The following CARS1 variants were observed in gnomAD, a reference collection of about 807,000 sequenced individuals.
The protein encoded by CARS1 is cysteinyl-tRNA synthetase 1.
A neutral mutation model predicts 106.2 loss-of-function variants in CARS1; 48 were observed. The ratio of observed to expected loss-of-function variants is 0.45; its 90% CI spans 0.36 to 0.57. The LOEUF (loss-of-function observed/expected upper bound fraction) is 0.57, where lower values mean the gene tolerates loss of function less well. CARS1 is among the 20% of genes least tolerant of loss of function. CARS1 has a pLI of 0.00. For missense variants in CARS1, 968 were observed against 1,057.2 expected, an observed-to-expected ratio of 0.92 and a Z score of 1.17; for synonymous variants, 409 against 403.4, an observed-to-expected ratio of 1.01 and a Z score of -0.17.
rs375412842 is a variant in CARS1 at position 3,016,470 on chromosome 11, G to A, written c.1918-621C>T. The stretch of plus-strand genomic sequence containing the variant: ...CATCTCCTGACCTTGTGATCCGCCC[G>A]CCTTGGCCTCCCAAAGTGCTGGGAT... On this transcript the variant is annotated intron_variant, in intron 16 of 22. Coordinates refer to ENST00000380525, the MANE Select transcript of CARS1 (RefSeq NM_001014437.3). Among the ~76,000 whole-genome samples, 13 of 152,134 alleles carry A rather than the reference G, an allele frequency of 8.5e-5. No homozygotes were observed. In the East Asian group the frequency reaches 1.4e-3, roughly 16 times the overall value.
rs1275960059 is a variant in CARS1 at position 3,050,817 on chromosome 11, A to AGACCC, written c.26-2817_26-2816insGGGTC. Among the ~76,000 whole-genome samples, 1 of 152,070 alleles carries AGACCC rather than the reference A, an allele frequency of 6.6e-6. No individual in the cohort carries two copies. Reference sequence around the variant, plus strand: ...AGGTCTTCAAGGACTCCCTGTCCATATGGCGCCCGCCTCTAGACCCTGAGC... The same window carrying AGACCC: ...AGGTCTTCAAGGACTCCCTGTCCATAGACCCTGGCGCCCGCCTCTAGACCCTGAGC... On this transcript the variant is annotated intron_variant, in intron 1 of 22. Transcript: ENST00000380525. The surrounding 1 kb of genome is among the most constrained non-coding windows in gnomAD (Gnocchi z 6.3).
chr11:3,046,757 C>A lies in CARS1; in HGVS notation c.274+996G>T, dbSNP rs571096671. 2.6e-5 allele frequency among the ~76,000 whole-genome samples: 4 copies of A among 152,202 alleles called. No individual in the cohort carries two copies. Among genetic ancestry groups the A allele is most frequent in the Admixed American group, 6.5e-5 (1 of 15,294 alleles). On this transcript the variant is annotated intron_variant, in intron 2 of 22. Coordinates refer to ENST00000380525, the MANE Select transcript of CARS1 (RefSeq NM_001014437.3). This position sits in a 1 kb window ranked among gnomAD's most constrained non-coding sequence, Gnocchi z 5.8. ...GCCCCCACATGAAGGTGGAGGAGTG[C>A]CCACAGCCACAGGAGGAGCTGGGCC... is the stretch of plus-strand genomic sequence containing the variant.
At chr11:3,036,153 G>T (rs934078015) in intron 7 of CARS1, among the ~76,000 whole-genome samples, 1 of 152,246 alleles carries the variant, frequency 6.6e-6, no homozygotes, top group Non-Finnish European at 1.5e-5. Flanking sequence ...GGGAGGCAGG[G>T]AGGAAGCTTC....
intron 22 of CARS1, 65 bp downstream of exon 22, chr11:3,001,905 G>A (rs1298929024): frequency 2.7e-5 from 34 of 1,242,160 alleles, no homozygotes; most frequent in Non-Finnish European, 3.4e-5. Context: ...GAAAATTCCT[G>A]TCCTCCCACT....
rs145015718 is a variant in CARS1, at chr11:3,039,249, C to T, written c.596G>A (p.Arg199Gln). The change falls in exon 6 of 23, where the codon CGG (arginine) becomes CAG (glutamine). Residue 199 changes from arginine (R) to glutamine (Q), a missense_variant. Arg to Gln is a conservative substitution (Grantham distance 43). Coordinates refer to ENST00000380525, the MANE Select transcript of CARS1 (RefSeq NM_001014437.3). This position sits in a 1 kb window ranked among gnomAD's most constrained non-coding sequence, Gnocchi z 5.6. Reference sequence around the variant, plus strand: ...CTGTGCCGCTTCAGGCCTCTTCTCCCGATACTGCTCGAACAGGTGGTTCTG... The same window carrying T: ...CTGTGCCGCTTCAGGCCTCTTCTCCTGATACTGCTCGAACAGGTGGTTCTG... ...ARQNHLFEQYREKRPEAAQLL... is the reference protein window; with the variant it reads ...ARQNHLFEQYQEKRPEAAQLL... 71 of 1,613,772 alleles carry T rather than the reference C, an allele frequency of 4.4e-5. No individual in the cohort carries two copies. The highest frequency in any genetic ancestry group is 5.6e-5 in the Non-Finnish European group (66 of 1,179,862).
chr11:3,053,612 C>A lies in CARS1; in HGVS notation c.25+3731G>T, dbSNP rs1855903360. ...GAGGCTCTCCCAGGTCCACTCCAGG[C>A]ATGGCCCTGGTGTGCCTTCAGCAGC... On this transcript the variant is annotated intron_variant, in intron 1 of 22. Transcript: ENST00000380525. This position sits in a 1 kb window ranked among gnomAD's most constrained non-coding sequence, Gnocchi z 6.6. 6.6e-6 allele frequency among the ~76,000 whole-genome samples: 1 copy of A among 152,188 alleles called. No individual in the cohort carries two copies. The highest frequency in any genetic ancestry group is 1.5e-5 in the Non-Finnish European group (1 of 68,026).
At position 3,040,747 on chromosome 11, in the gene CARS1, G is replaced by T; in HGVS notation, c.455+149C>A. 1 of 770,102 alleles carries T rather than the reference G, an allele frequency of 1.3e-6. No homozygotes were observed. The highest frequency in any genetic ancestry group is 2.7e-5 in the East Asian group (1 of 37,614). The allele number at this position is 770,102 out of a possible 1,614,324, so 47.7% of individuals were successfully genotyped here. On this transcript the variant is annotated intron_variant, in intron 4 of 22. Transcript: ENST00000380525. The surrounding 1 kb of genome is among the most constrained non-coding windows in gnomAD (Gnocchi z 5.8). Reference sequence around the variant, plus strand: ...TAAAATTTTCATCTTAAAAATAAGAGAAGAAATTCAGTCTTGATTCCTCAA... The same window carrying T: ...TAAAATTTTCATCTTAAAAATAAGATAAGAAATTCAGTCTTGATTCCTCAA...
At position 3,028,093 on chromosome 11, in the gene CARS1, A is replaced by C; in HGVS notation, c.1031+903T>G. 3.4e-6 allele frequency: 1 copy of C among 292,194 alleles called. No homozygotes were observed. The highest frequency in any genetic ancestry group is 2.9e-5 in the South Asian group (1 of 34,242). 18.1% of individuals were successfully genotyped at this position (292,194 alleles called of 1,614,324 possible). ...CAGTAGCAAATTAGTGAAAGTACTA[A>C]AAGTCTCTGATATGCAGAAATAATG... On this transcript the variant is annotated intron_variant, in intron 9 of 22. Transcript: ENST00000380525. This position sits in a 1 kb window ranked among gnomAD's most constrained non-coding sequence, Gnocchi z 4.4.
At position 3,045,845 on chromosome 11, in the gene CARS1, C is replaced by T. The variant is rs183014477; in HGVS notation, c.274+1908G>A. ...TGTCACAGCTACATGGAGGGAGATC[C>T]ACAGCTACTGTCATCCCAGGGACAT... On this transcript the variant is annotated intron_variant, in intron 2 of 22. Coordinates refer to ENST00000380525, the MANE Select transcript of CARS1 (RefSeq NM_001014437.3). The surrounding 1 kb of genome is among the most constrained non-coding windows in gnomAD (Gnocchi z 5.6). 2.0e-5 allele frequency among the ~76,000 whole-genome samples: 3 copies of T among 152,292 alleles called. No individual in the cohort carries two copies. Among genetic ancestry groups the T allele is most frequent in the Admixed American group, 1.3e-4 (2 of 15,296 alleles).
intron 10 of CARS1, among the ~76,000 whole-genome samples, chr11:3,024,186 C>T (rs934412152): frequency 3.9e-5 from 6 of 152,080 alleles, no homozygotes; most frequent in Non-Finnish European, 7.4e-5. Context: ...CCACTGCACC[C>T]GGCACCTCAC....
At chr11:3,024,434 T>G (rs1223915205) in intron 10 of CARS1, among the ~76,000 whole-genome samples, 5 of 151,738 alleles carry the variant, frequency 3.3e-5, no homozygotes, top group Admixed American at 1.3e-4. Context: ...GTATCTTTTT[T>G]ATTTTAAAAA....
At position 3,038,228 on chromosome 11, in the gene CARS1, T is replaced by C; in HGVS notation, c.652-29A>G. On this transcript the variant is annotated intron_variant, in intron 6 of 22. Transcript: ENST00000380525. The surrounding 1 kb of genome is among the most constrained non-coding windows in gnomAD (Gnocchi z 4.0). ...CAACCATAAAGAGACGTCAAATCTA[T>C]TAGATACTGCTCAGCAAAACCTAAA... 1 of 1,602,976 alleles carries C rather than the reference T, an allele frequency of 6.2e-7. No homozygotes were observed. The highest frequency in any genetic ancestry group is 8.5e-7 in the Non-Finnish European group (1 of 1,170,628).
chr11:3,017,095 G>A lies in CARS1; in HGVS notation c.1917+11C>T. Reference sequence around the variant, plus strand: ...AGGCTGAGGGATACGCCTGCCTGGGGCCTGGCTTACCTTCAGCATATGGGT... The same window carrying A: ...AGGCTGAGGGATACGCCTGCCTGGGACCTGGCTTACCTTCAGCATATGGGT... On this transcript the variant is annotated intron_variant, in intron 16 of 22. Transcript: ENST00000380525. This position sits in a 1 kb window ranked among gnomAD's most constrained non-coding sequence, Gnocchi z 4.9. The A allele has an allele frequency of 6.2e-7, 1 of 1,606,362 alleles. No homozygotes were observed. The highest frequency in any genetic ancestry group is 8.5e-7 in the Non-Finnish European group (1 of 1,173,714).
At position 3,044,849 on chromosome 11, in the gene CARS1, A is replaced by G. The variant is rs1387149495; in HGVS notation, c.275-2593T>C. On this transcript the variant is annotated intron_variant, in intron 2 of 22. Transcript: ENST00000380525. The surrounding 1 kb of genome is among the most constrained non-coding windows in gnomAD (Gnocchi z 4.4). ...TGGGAGGCTGAAGATAAAATGATGG[A>G]GAGGGAAGCCAGGAAGTGGCAAGCA... Among the ~76,000 whole-genome samples, 1 of 152,136 alleles carries G rather than the reference A, an allele frequency of 6.6e-6. No individual in the cohort carries two copies. The highest frequency in any genetic ancestry group is 1.5e-5 in the Non-Finnish European group (1 of 68,022).
Position 3,042,204 on chromosome 11 carries a change from T to G in CARS1, c.327A>C (p.Pro109=). 2 of 1,613,948 alleles carry G rather than the reference T, an allele frequency of 1.2e-6. No individual in the cohort carries two copies. The highest frequency in any genetic ancestry group is 1.3e-5 in the African/African-American group (1 of 75,068). ...GGCTGTTGTAAAGGTGGAGTCTGCATGGCTGGGTCCCAGCAGGAGGGGACC... is the reference window on the plus strand; with the variant it reads ...GGCTGTTGTAAAGGTGGAGTCTGCAGGGCTGGGTCCCAGCAGGAGGGGACC... ...PQWSPPAGTQ[P]CRLHLYNSLT... Residue 109 remains proline, a synonymous_variant, in exon 3 of 23, where the codon CCA becomes CCC. Coordinates refer to ENST00000380525, the MANE Select transcript of CARS1 (RefSeq NM_001014437.3).
chr11:3,039,144 G>T lies in CARS1; in HGVS notation c.651+50C>A, dbSNP rs958327506. ...GGGACAGTAGCCTACAAAGGACCGAGAACAGAAAGCAAAGGGCTCGGTTTC... is the reference window on the plus strand; with the variant it reads ...GGGACAGTAGCCTACAAAGGACCGATAACAGAAAGCAAAGGGCTCGGTTTC... On this transcript the variant is annotated intron_variant, in intron 6 of 22. Coordinates refer to ENST00000380525, the MANE Select transcript of CARS1 (RefSeq NM_001014437.3). This position sits in a 1 kb window ranked among gnomAD's most constrained non-coding sequence, Gnocchi z 5.6. 3 of 1,196,138 alleles carry T rather than the reference G, an allele frequency of 2.5e-6. No individual in the cohort carries two copies. The highest frequency in any genetic ancestry group is 1.5e-5 in the African/African-American group (1 of 66,700). The allele number at this position is 1,196,138 out of a possible 1,614,324, so 74.1% of individuals were successfully genotyped here.
At position 3,037,988 on chromosome 11, in the gene CARS1, A is replaced by G. The variant is rs1055092236; in HGVS notation, c.801+62T>C. The G allele has an allele frequency of 1.4e-6, 2 of 1,464,402 alleles. No homozygotes were observed. The highest frequency in any genetic ancestry group is 1.4e-5 in the African/African-American group (1 of 71,330). The allele number at this position is 1,464,402 out of a possible 1,614,324, so 90.7% of individuals were successfully genotyped here. ...TGGAATCAATCCGTGCACACAGATC[A>G]GTCTATGCACGGCCCGACATTTGAC... On this transcript the variant is annotated intron_variant, in intron 7 of 22. Coordinates refer to ENST00000380525, the MANE Select transcript of CARS1 (RefSeq NM_001014437.3). The surrounding 1 kb of genome is among the most constrained non-coding windows in gnomAD (Gnocchi z 5.9).
chr11:3,019,108 C>A lies in CARS1; in HGVS notation c.1395+31G>T. On this transcript the variant is annotated intron_variant, in intron 12 of 22. Transcript: ENST00000380525. This position sits in a 1 kb window ranked among gnomAD's most constrained non-coding sequence, Gnocchi z 6.2. ...CTGCAGTATGAACACTGTGCTCTTG[C>A]ACCTGACAAGGGGACTCTGTTTTCA... 7 of 1,497,854 alleles carry A rather than the reference C, an allele frequency of 4.7e-6. No homozygotes were observed. The highest frequency in any genetic ancestry group is 5.3e-6 in the Non-Finnish European group (6 of 1,125,710). 92.8% of individuals were successfully genotyped at this position (1,497,854 alleles called of 1,614,324 possible).
rs910496572 is a variant in CARS1, at chr11:3,020,700, G to A, written c.1154-368C>T. Among the ~76,000 whole-genome samples the A allele has an allele frequency of 6.6e-6, 1 of 152,198 alleles. No homozygotes were observed. The highest frequency in any genetic ancestry group is 2.4e-5 in the African/African-American group (1 of 41,444). ...TAAAGCTAGGAGGTGACATAGTGGT[G>A]CAGCCACTGGGGCATGGCTCAGGGA... On this transcript the variant is annotated intron_variant, in intron 10 of 22. Coordinates refer to ENST00000380525, the MANE Select transcript of CARS1 (RefSeq NM_001014437.3). This position sits in a 1 kb window ranked among gnomAD's most constrained non-coding sequence, Gnocchi z 4.6.
Sources: gnomAD v4.1 joint callset for allele counts (sites outside exome capture counted in the v4.1 genomes callset) on GRCh38, gnomAD v4.1.1 for gene constraint, Gnocchi (gnomAD v3.1) non-coding constraint, MANE v1.5 for transcripts, NCBI Gene and HGNC (gene_info 2026-07-23, HGNC 2026-07-21) for gene names.